ASRGL1: variants seen among roughly 807,000 people sequenced by gnomAD.
ASRGL1 encodes isoaspartyl peptidase/L-asparaginase.
Under a neutral mutation model 22.4 loss-of-function variants are expected in ASRGL1, and 16 were observed. The observed-to-expected ratio is 0.71, with a 90% CI of 0.48 to 1.08. The LOEUF (loss-of-function observed/expected upper bound fraction) is 1.08. Ranked by LOEUF, ASRGL1 falls within the 50% of genes least tolerant of loss-of-function variation. ASRGL1 has a pLI of 0.00. For synonymous variants in ASRGL1, 165 were observed against 159.3 expected (o/e 1.04, Z -0.27); for missense variants, 412 against 410.1 (o/e 1.00, Z -0.04).
intron 4 of ASRGL1, among the ~76,000 whole-genome samples, chr11:62,369,283 T>C (rs1215635546): frequency 6.6e-6 from 1 of 152,158 alleles, no homozygotes; most frequent in South Asian, 2.1e-4. Flanking sequence ...CCATTAAACC[T>C]TGAGTCAACA....
intron 4 of ASRGL1, among the ~76,000 whole-genome samples, chr11:62,377,630 T>G (rs1219055534): frequency 6.6e-6 from 1 of 152,196 alleles, no homozygotes; most frequent in Non-Finnish European, 1.5e-5. Flanking sequence ...ATTTTTGTTT[T>G]GGGGTAATGA....
At chr11:62,375,974 C>T (rs1044864467) in intron 4 of ASRGL1, among the ~76,000 whole-genome samples, 4 of 151,720 alleles carry the variant, frequency 2.6e-5, no homozygotes, top group East Asian at 1.9e-4. Context: ...TGGTGGCACG[C>T]GCCTGTAATC....
In ASRGL1 at chr11:62,366,315, T is replaced by C. The variant is rs1233402326; in HGVS notation, c.491+9171T>C. Among the ~76,000 whole-genome samples, 1,169 of 130,942 alleles carry C rather than the reference T, an allele frequency of 8.9e-3. 2 individuals carry two copies. The highest frequency in any genetic ancestry group is 0.029 in the African/African-American group (1,022 of 35,426). 85.9% of individuals were successfully genotyped at this position (130,942 alleles called of 152,430 possible). On this transcript the variant is annotated intron_variant, in intron 4 of 6. Transcript: ENST00000415229. The stretch of plus-strand genomic sequence containing the variant: ...CAGTGAAACATATATACAAGAAAAA[T>C]ACCGATTTTTCAAGATACATTTACC...
intron 4 of ASRGL1, among the ~76,000 whole-genome samples, chr11:62,359,920 CTT>C (rs1480447281): frequency 6.6e-6 from 1 of 151,130 alleles, no homozygotes; most frequent in East Asian, 1.9e-4. Context: ...CATATTTTAA[CTT>C]TAACATTAAT....
intron 2 of ASRGL1, among the ~76,000 whole-genome samples, chr11:62,349,302 C>T (rs1353855753): frequency 4.6e-5 from 7 of 152,146 alleles, no homozygotes; most frequent in Admixed American, 1.3e-4. Flanking sequence ...AAAGCAGTTG[C>T]GTTTGGGGCA....
rs751865225 is a variant in ASRGL1 at position 62,338,053 on chromosome 11, G to T, written c.76G>T (p.Gly26Cys). Residue 26 changes from glycine (G) to cysteine (C), a missense_variant, in exon 2 of 7, where the codon GGC becomes TGC. Transcript: ENST00000415229. ...SKDRKERVHQGMVRAATVGYG... is the reference protein window; with the variant it reads ...SKDRKERVHQCMVRAATVGYG... ...GGATCGGAAGGAGCGAGTGCACCAG[G>T]GCATGGTCAGAGCCGCCACCGTGGG... 2.2e-5 allele frequency: 35 copies of T among 1,608,214 alleles called. No homozygotes were observed. The highest frequency in any genetic ancestry group is 1.7e-5 in the Non-Finnish European group (20 of 1,177,884).
chr11:62,371,164 TG>T, intron 4 of ASRGL1: 2 of 1,187,124 alleles, frequency 1.7e-6, no homozygotes, highest in South Asian at 1.8e-5. Context: ...GGTGGCGGCC[TG>T]GGAGGAGCTG....
chr11:62,373,661 G>C (rs1287561707), intron 4 of ASRGL1, among the ~76,000 whole-genome samples: 1 of 152,210 alleles, frequency 6.6e-6, no homozygotes, highest in Non-Finnish European at 1.5e-5. Flanking sequence ...CGCGTGCTTC[G>C]GAAGCATCCG....
At chr11:62,348,021 A>G (rs796915584) in intron 2 of ASRGL1, among the ~76,000 whole-genome samples, 5 of 152,302 alleles carry the variant, frequency 3.3e-5, no homozygotes, top group African/African-American at 1.2e-4. Flanking sequence ...TAATAAACTG[A>G]TATGGTAGAC....
chr11:62,394,175 CAT>C (rs202003535), downstream of ASRGL1, among the ~76,000 whole-genome samples: 3,303 of 131,488 alleles, frequency 0.025, 50 homozygotes, highest in Non-Finnish European at 0.039. Flanking sequence ...TATTATATAT[CAT>C]ATAAATATAT....
intron 4 of ASRGL1, among the ~76,000 whole-genome samples, chr11:62,386,761 C>T (rs939114647): frequency 2.6e-5 from 4 of 152,134 alleles, no homozygotes; most frequent in African/African-American, 7.2e-5. Flanking sequence ...AATGCTTTTC[C>T]AAAGATGTTG....
intron 2 of ASRGL1, among the ~76,000 whole-genome samples, chr11:62,339,015 A>G (rs930641801): frequency 6.6e-6 from 1 of 151,816 alleles, no homozygotes; most frequent in Non-Finnish European, 1.5e-5. Context: ...TCCCTTAGGC[A>G]GAGGAAGTCT....
At chr11:62,361,337 A>G (rs1275280372) in intron 4 of ASRGL1, among the ~76,000 whole-genome samples, 1 of 151,774 alleles carries the variant, frequency 6.6e-6, no homozygotes, top group Non-Finnish European at 1.5e-5. Flanking sequence ...GACTACAGGC[A>G]TGCACCATGC....
At chr11:62,385,535 T>A (rs957209091) in intron 4 of ASRGL1, among the ~76,000 whole-genome samples, 2 of 152,216 alleles carry the variant, frequency 1.3e-5, no homozygotes, top group African/African-American at 4.8e-5. Context: ...AATCTGCTGT[T>A]TTTATTTTGC....
chr11:62,357,055 T>G lies in ASRGL1; in HGVS notation c.402T>G (p.Ile134Met). The G allele has an allele frequency of 6.2e-7, 1 of 1,614,118 alleles. No individual in the cohort carries two copies. The highest frequency in any genetic ancestry group is 1.1e-5 in the South Asian group (1 of 91,082). ...QFAAAMGVPEIPGEKLVTERN... is the reference protein window; with the variant it reads ...QFAAAMGVPEMPGEKLVTERN... ...CAGCAGCTATGGGGGTTCCAGAGAT[T>G]CCTGGAGAAAAACTGGTGACAGAGA... Residue 134 changes from isoleucine (I) to methionine (M), a missense_variant, in exon 4 of 7, where the codon ATT (isoleucine) becomes ATG (methionine). Transcript: ENST00000415229.
chr11:62,389,111 T>C, intron 4 of ASRGL1, 22 bp from the exon 5 acceptor site: 1 of 1,588,116 alleles, frequency 6.3e-7, no homozygotes, highest in East Asian at 2.2e-5. Context: ...CCTGTCACTT[T>C]TTTTCTGTTT....
chr11:62,364,441 C>T (rs1360082359), intron 4 of ASRGL1, among the ~76,000 whole-genome samples: 1 of 151,976 alleles, frequency 6.6e-6, no homozygotes, highest in African/African-American at 2.4e-5. Flanking sequence ...ATGGAGGTTC[C>T]TAAAGAAATT....
downstream of ASRGL1, among the ~76,000 whole-genome samples, chr11:62,395,235 G>A (rs1171251976): frequency 1.3e-5 from 2 of 152,168 alleles, no homozygotes; most frequent in Non-Finnish European, 2.9e-5. Context: ...TGCCCTGGGC[G>A]CTGCCAGATG....
chr11:62,373,114 A>C (rs1946819049), intron 4 of ASRGL1: 1 of 1,469,890 alleles, frequency 6.8e-7, no homozygotes, highest in Non-Finnish European at 9.5e-7. Flanking sequence ...GCAAGAGATG[A>C]AAGTGAAACT....
Sources: allele counts gnomAD v4.1 joint callset (sites outside exome capture counted in the v4.1 genomes callset), GRCh38; gene constraint gnomAD v4.1.1; transcripts MANE v1.5; gene names NCBI Gene and HGNC (gene_info 2026-07-23, HGNC 2026-07-21).